The following CPNE8 variants were observed in gnomAD, a reference collection of about 807,000 sequenced individuals.
The protein encoded by CPNE8 is copine 8.
Under a neutral mutation model 81.5 loss-of-function variants are expected in CPNE8, and 45 were observed. The observed-to-expected ratio is 0.55, with a 90% CI of 0.44 to 0.71. CPNE8 has a LOEUF of 0.71. CPNE8 is among the 30% of genes least tolerant of loss of function. The pLI is 0.00. For synonymous variants in CPNE8, 252 were observed against 226.3 expected (o/e 1.11, Z -1.02); for missense variants, 594 against 672.1 (o/e 0.88, Z 1.28).
chr12:38,671,904 C>A (rs117862478), intron 18 of CPNE8, among the ~76,000 whole-genome samples: 3 of 152,032 alleles, frequency 2.0e-5, no homozygotes, highest in Non-Finnish European at 4.4e-5. Context: ...CAATATATAT[C>A]ATAATTATGT....
At chr12:38,805,748 T>C (rs1201952239) in intron 6 of CPNE8, among the ~76,000 whole-genome samples, 1 of 118,700 alleles carries the variant, frequency 8.4e-6, no homozygotes, top group Non-Finnish European at 1.8e-5. Context: ...AAGAAATAAC[T>C]AAGATCAGAG....
intron 3 of CPNE8, 68 bp downstream of exon 3, chr12:38,872,936 T>G: frequency 1.1e-6 from 1 of 891,478 alleles, no homozygotes; most frequent in South Asian, 1.5e-5. Context: ...GAAAGTATCA[T>G]CTTGATCAAG....
At chr12:38,835,121 G>A (rs558629450) in intron 5 of CPNE8, among the ~76,000 whole-genome samples, 47 of 152,150 alleles carry the variant, frequency 3.1e-4, no homozygotes, top group African/African-American at 9.9e-4. Context: ...TCCTGACCTC[G>A]TGATCTGCCC....
intron 4 of CPNE8, 139 bp from the exon 5 acceptor site, chr12:38,840,094 A>G: frequency 1.2e-6 from 1 of 832,616 alleles, no homozygotes; most frequent in Non-Finnish European, 1.7e-6. Flanking sequence ...AGCAAATTTT[A>G]AAGTTTCACA....
chr12:38,742,375 G>A (rs1201302808), intron 10 of CPNE8, among the ~76,000 whole-genome samples: 1 of 152,218 alleles, frequency 6.6e-6, no homozygotes, highest in East Asian at 1.9e-4. Context: ...CATGTCCTTT[G>A]TAGGGACATG....
intron 11 of CPNE8, 42 bp from the exon 12 acceptor site, chr12:38,724,941 T>C (rs760254422): frequency 2.7e-6 from 4 of 1,474,896 alleles, no homozygotes; most frequent in South Asian, 1.2e-5. Flanking sequence ...TTAGGTTTTA[T>C]ACCGAAGTTT....
intron 1 of CPNE8, among the ~76,000 whole-genome samples, chr12:38,874,933 G>A (rs1483176026): frequency 2.6e-5 from 4 of 152,110 alleles, no homozygotes; most frequent in African/African-American, 9.7e-5. Context: ...ACATGATCAC[G>A]TTAGTCCATA....
intron 6 of CPNE8, among the ~76,000 whole-genome samples, chr12:38,797,702 T>G (rs189135476): frequency 1.2e-3 from 180 of 152,256 alleles, no homozygotes; most frequent in Middle Eastern, 3.4e-3. Flanking sequence ...GGACGGAGAA[T>G]GACTTTGACG....
intron 14 of CPNE8, among the ~76,000 whole-genome samples, chr12:38,696,917 T>C (rs1046349493): frequency 1.3e-5 from 2 of 152,056 alleles, no homozygotes; most frequent in Non-Finnish European, 2.9e-5. Context: ...GTTGGTGGCA[T>C]GTGCCTGTAG....
At chr12:38,851,241 G>C (rs1272056948) in intron 3 of CPNE8, among the ~76,000 whole-genome samples, 2 of 152,152 alleles carry the variant, frequency 1.3e-5, no homozygotes, top group African/African-American at 4.8e-5. Context: ...ACTTCCAAAG[G>C]CATGTCATCA....
At chr12:38,737,802 G>A (rs1940988869) in intron 10 of CPNE8, among the ~76,000 whole-genome samples, 1 of 144,988 alleles carries the variant, frequency 6.9e-6, no homozygotes, top group East Asian at 2.2e-4. Context: ...AAAAAAATCT[G>A]CCAGGAGTAA....
chr12:38,690,950 G>A (rs1592012636), intron 15 of CPNE8, among the ~76,000 whole-genome samples: 1 of 151,992 alleles, frequency 6.6e-6, no homozygotes, highest in Non-Finnish European at 1.5e-5. Flanking sequence ...GTGGCATGTG[G>A]GCTATTTCAT....
intron 18 of CPNE8, 129 bp downstream of exon 18, chr12:38,675,588 G>T: frequency 1.6e-6 from 1 of 632,182 alleles, no homozygotes; most frequent in Non-Finnish European, 2.8e-6. Flanking sequence ...ATGGACACAT[G>T]AACATTATAT....
At chr12:38,855,208 TAA>T (rs917582693) in intron 3 of CPNE8, among the ~76,000 whole-genome samples, 6 of 150,268 alleles carry the variant, frequency 4.0e-5, no homozygotes, top group Non-Finnish European at 8.9e-5. Flanking sequence ...ATCTATATAA[TAA>T]AAAAAAACAC....
At chr12:38,656,094 CAA>C (rs765186011) in intron 19 of CPNE8, among the ~76,000 whole-genome samples, 17 of 140,374 alleles carry the variant, frequency 1.2e-4, no homozygotes, top group Non-Finnish European at 1.8e-4. Context: ...AGAAAAAAAT[CAA>C]AGAGGTAAAA....
intron 10 of CPNE8, among the ~76,000 whole-genome samples, chr12:38,736,388 G>A (rs2136779930): frequency 6.6e-6 from 1 of 151,800 alleles, no homozygotes; most frequent in South Asian, 2.1e-4. Flanking sequence ...TTTCTAAGAT[G>A]AAGATAATAT....
chr12:38,830,602 T>C lies in CPNE8; in HGVS notation c.331-1147A>G, dbSNP rs774697264. Among the ~76,000 whole-genome samples, 11 of 152,204 alleles carry C rather than the reference T, an allele frequency of 7.2e-5. 1 individual carries two copies. The highest frequency in any genetic ancestry group is 1.6e-4 in the Non-Finnish European group (11 of 68,042). On this transcript the variant is annotated intron_variant, in intron 5 of 19. Transcript: ENST00000331366. ...AAGGTGAGAGATCTCTCTAAATTGT[T>C]TGTGTACTGAACACGACCAAGAAAA...
intron 3 of CPNE8, among the ~76,000 whole-genome samples, chr12:38,852,209 C>T (rs1452798878): frequency 6.6e-6 from 1 of 152,052 alleles, no homozygotes; most frequent in African/African-American, 2.4e-5. Flanking sequence ...GGGCAGATCA[C>T]CTGAGGTTAG....
intron 10 of CPNE8, among the ~76,000 whole-genome samples, chr12:38,743,955 T>C (rs940150579): frequency 6.6e-6 from 1 of 152,188 alleles, no homozygotes; most frequent in Non-Finnish European, 1.5e-5. Flanking sequence ...TGAACAACTA[T>C]AAAATTTTCC....
Sources: allele counts gnomAD v4.1 joint callset (sites outside exome capture counted in the v4.1 genomes callset), GRCh38; gene constraint gnomAD v4.1.1; transcripts MANE v1.5; gene names NCBI Gene and HGNC (gene_info 2026-07-23, HGNC 2026-07-21).